The following SLC25A48 variants were observed in gnomAD, a reference collection of about 807,000 sequenced individuals.
The protein encoded by SLC25A48 is CTC-321K16.1.
Under a neutral mutation model 32.2 loss-of-function variants are expected in SLC25A48, and 29 were observed. The ratio of observed to expected loss-of-function variants is 0.90; its 90% CI spans 0.67 to 1.23. The LOEUF (loss-of-function observed/expected upper bound fraction) is 1.23. SLC25A48 is among the 50% of genes most tolerant of loss of function. SLC25A48 has a pLI of 0.00. For synonymous variants in SLC25A48, 164 were observed against 172.3 expected, an observed-to-expected ratio of 0.95 and a Z score of 0.38; for missense variants, 399 against 422.7, an observed-to-expected ratio of 0.94 and a Z score of 0.49.
chr5:135,823,393 C>T (rs372158402), intron 4 of SLC25A48, among the ~76,000 whole-genome samples: 1 of 152,124 alleles, frequency 6.6e-6, no homozygotes, highest in Non-Finnish European at 1.5e-5. Flanking sequence ...TTCCTCATTC[C>T]GCTTCTCCAC....
chr5:135,681,848 C>T (rs1753905574), intron 3 of SLC25A48, among the ~76,000 whole-genome samples: 1 of 152,126 alleles, frequency 6.6e-6, no homozygotes, highest in Admixed American at 6.5e-5. Flanking sequence ...TCTGATGCCC[C>T]TAAGCATGTG....
chr5:135,656,741 G>T (rs1035532513), intron 3 of SLC25A48, among the ~76,000 whole-genome samples: 1 of 152,134 alleles, frequency 6.6e-6, no homozygotes, highest in Non-Finnish European at 1.5e-5. Flanking sequence ...CAGGGAGAAG[G>T]CCATGTGATA....
chr5:135,683,111 C>A (rs913631415), intron 3 of SLC25A48, among the ~76,000 whole-genome samples: 2 of 152,216 alleles, frequency 1.3e-5, no homozygotes, highest in East Asian at 3.9e-4. Context: ...CCATTTGTGG[C>A]GTCAATCTCA....
chr5:135,750,689 C>T (rs1360341368), intron 3 of SLC25A48, among the ~76,000 whole-genome samples: 2 of 152,132 alleles, frequency 1.3e-5, no homozygotes, highest in African/African-American at 4.8e-5. Flanking sequence ...AGGCCAGCAG[C>T]TGCGCCCCCA....
At chr5:135,590,914 G>A (rs1194703027) in intron 1 of SLC25A48, among the ~76,000 whole-genome samples, 2 of 152,278 alleles carry the variant, frequency 1.3e-5, no homozygotes, top group African/African-American at 4.8e-5. Context: ...CATTGGCGAT[G>A]AGAATAAATG....
rs1487341719 is a variant in SLC25A48, at chr5:135,781,016, G to C, written c.-520-31507G>C. On this transcript the variant is annotated intron_variant, in intron 3 of 10. Coordinates refer to the SLC25A48 transcript ENST00000646290. Reference sequence around the variant, plus strand: ...CCTATATATTGTTCCTAATATCCAGGGGGGAGATGATGATTCTACTTCCAA... The same window carrying C: ...CCTATATATTGTTCCTAATATCCAGCGGGGAGATGATGATTCTACTTCCAA... Among the ~76,000 whole-genome samples, 4 of 116,262 alleles carry C rather than the reference G, an allele frequency of 3.4e-5. 1 individual carries two copies. In the Admixed American group the frequency reaches 3.5e-4, roughly 10 times the overall value. 76.3% of individuals were successfully genotyped at this position (116,262 alleles called of 152,430 possible).
At chr5:135,817,509 C>T (rs910163716) in intron 4 of SLC25A48, among the ~76,000 whole-genome samples, 1 of 152,124 alleles carries the variant, frequency 6.6e-6, no homozygotes, top group Non-Finnish European at 1.5e-5. Flanking sequence ...ATCTTGCTCC[C>T]AAACTCAAAT....
chr5:135,667,409 A>T (rs886296390), intron 3 of SLC25A48, among the ~76,000 whole-genome samples: 1 of 152,212 alleles, frequency 6.6e-6, no homozygotes, highest in Non-Finnish European at 1.5e-5. Flanking sequence ...CATCCTGGAA[A>T]ACAAATGAAT....
At chr5:135,663,318 A>G (rs1753448084) in intron 3 of SLC25A48, among the ~76,000 whole-genome samples, 1 of 152,186 alleles carries the variant, frequency 6.6e-6, no homozygotes, top group Non-Finnish European at 1.5e-5. Context: ...CATGATTGAC[A>G]TGTTGAGCCA....
intron 3 of SLC25A48, among the ~76,000 whole-genome samples, chr5:135,806,497 A>T (rs1757466289): frequency 6.6e-6 from 1 of 151,354 alleles, no homozygotes; most frequent in Non-Finnish European, 1.5e-5. Context: ...ATATTTTATT[A>T]ATATCATAGT....
intron 3 of SLC25A48, among the ~76,000 whole-genome samples, chr5:135,663,015 T>G (rs1753441224): frequency 1.3e-5 from 2 of 152,164 alleles, no homozygotes; most frequent in Non-Finnish European, 2.9e-5. Flanking sequence ...CCAGTGTGTT[T>G]CTCCCTAAAG....
intron 3 of SLC25A48, among the ~76,000 whole-genome samples, chr5:135,709,103 A>T (rs909882149): frequency 1.3e-5 from 2 of 152,198 alleles, no homozygotes; most frequent in African/African-American, 4.8e-5. Context: ...TCATTGGAAA[A>T]TTGAGATCTC....
Position 135,629,998 on chromosome 5 carries a change from C to G in SLC25A48, c.-709+622C>G, listed in dbSNP as rs927110448. 6.6e-6 allele frequency among the ~76,000 whole-genome samples: 1 copy of G among 152,200 alleles called. No homozygotes were observed. The highest frequency in any genetic ancestry group is 1.5e-5 in the Non-Finnish European group (1 of 68,026). On this transcript the variant is annotated intron_variant, in intron 2 of 10. Coordinates refer to the SLC25A48 transcript ENST00000646290. The surrounding 1 kb of genome is among the most constrained non-coding windows in gnomAD (Gnocchi z 4.8). ...CCCAGAGACTCATGATCTGATCAGT[C>G]CATCTGTGTGCACCTGCTGGGAACC...
intron 3 of SLC25A48, among the ~76,000 whole-genome samples, chr5:135,746,965 C>A (rs563671673): frequency 4.7e-5 from 7 of 150,426 alleles, no homozygotes; most frequent in Non-Finnish European, 8.9e-5. Flanking sequence ...ACTCTTGCCC[C>A]GTCATTAGAT....
chr5:135,802,326 A>C (rs1757351265), intron 3 of SLC25A48, among the ~76,000 whole-genome samples: 1 of 151,650 alleles, frequency 6.6e-6, no homozygotes, highest in Non-Finnish European at 1.5e-5. Flanking sequence ...GGTATACACC[A>C]TGTGTGTAGA....
At chr5:135,693,370 G>A (rs1754188836) in intron 3 of SLC25A48, among the ~76,000 whole-genome samples, 1 of 152,030 alleles carries the variant, frequency 6.6e-6, no homozygotes, top group African/African-American at 2.4e-5. Flanking sequence ...TCCTTGGTAG[G>A]GGCTGCCCTG....
chr5:135,620,202 G>T lies in SLC25A48; in HGVS notation c.-848-9035G>T, dbSNP rs6863371. Reference sequence around the variant, plus strand: ...CATGTGGGTGGCTGCCCACTATGTTGGTGGCAGTAGGTTGATTGGACCTGA... The same window carrying T: ...CATGTGGGTGGCTGCCCACTATGTTTGTGGCAGTAGGTTGATTGGACCTGA... On this transcript the variant is annotated intron_variant, in intron 1 of 10. Coordinates refer to the SLC25A48 transcript ENST00000646290. Among the ~76,000 whole-genome samples, 697 of 152,294 alleles carry T rather than the reference G, an allele frequency of 4.6e-3. 5 individuals carry two copies. The highest frequency in any genetic ancestry group is 0.016 in the African/African-American group (667 of 41,566).
intron 3 of SLC25A48, among the ~76,000 whole-genome samples, chr5:135,667,102 T>C (rs1234031320): frequency 6.6e-6 from 1 of 152,210 alleles, no homozygotes; most frequent in Non-Finnish European, 1.5e-5. Context: ...CCCTGAGCTC[T>C]AGCCAATCTC....
At chr5:135,809,581 A>T (rs530238385) in intron 3 of SLC25A48, among the ~76,000 whole-genome samples, 3 of 152,150 alleles carry the variant, frequency 2.0e-5, no homozygotes, top group African/African-American at 7.2e-5. Context: ...CACAATTAAG[A>T]TCTAGAACAT....
Sources: allele counts gnomAD v4.1 joint callset (sites outside exome capture counted in the v4.1 genomes callset), GRCh38; gene constraint gnomAD v4.1.1; non-coding constraint Gnocchi (gnomAD v3.1); transcripts MANE v1.5; gene names NCBI Gene and HGNC (gene_info 2026-07-23, HGNC 2026-07-21).